Variants in FAM210A observed in about 807,000 individuals in gnomAD.
FAM210A encodes the protein family with sequence similarity 210 member A.
Under a neutral mutation model 25.3 loss-of-function variants are expected in FAM210A, and 13 were observed. The ratio of observed to expected loss-of-function variants is 0.51; its 90% CI spans 0.33 to 0.82. FAM210A has a LOEUF of 0.82. FAM210A is among the 40% of genes least tolerant of loss of function. The pLI is 0.02. For missense variants in FAM210A, 319 were observed against 323.2 expected, an observed-to-expected ratio of 0.99 and a Z score of 0.10; for synonymous variants, 125 against 118.7, an observed-to-expected ratio of 1.05 and a Z score of -0.35.
intron 1 of FAM210A, among the ~76,000 whole-genome samples, chr18:13,719,881 A>G (rs913426680): frequency 6.6e-6 from 1 of 152,214 alleles, no homozygotes; most frequent in Non-Finnish European, 1.5e-5. Flanking sequence ...TTCTGTGCTA[A>G]GCACTGTATC....
At chr18:13,723,022 C>G (rs1304652551) in intron 1 of FAM210A, among the ~76,000 whole-genome samples, 1 of 152,120 alleles carries the variant, frequency 6.6e-6, no homozygotes, top group South Asian at 2.1e-4. Context: ...CAGTTAAAAG[C>G]AACCAGCCTA....
rs1214343851 is a variant in FAM210A, at chr18:13,676,303, T to C, written c.474-4330A>G. Among the ~76,000 whole-genome samples, 7 of 129,788 alleles carry C rather than the reference T, an allele frequency of 5.4e-5. 1 individual carries two copies. The highest frequency in any genetic ancestry group is 1.1e-4 in the African/African-American group (4 of 34,848). The allele number at this position is 129,788 out of a possible 152,430, so 85.1% of individuals were successfully genotyped here. A position where few individuals can be genotyped will look rare whatever the true frequency, so the allele number is the denominator to read the frequency against. ...CCTGATTATTAACATTCCTGAGCCC[T>C]GGCTTCTTTATTTCCAGTTTCCTGA... On this transcript the variant is annotated intron_variant, in intron 2 of 3. Coordinates refer to ENST00000651643, the MANE Select transcript of FAM210A (RefSeq NM_152352.4).
rs920739396 is a variant in FAM210A, at chr18:13,664,685, T to G, written c.*1795A>C. 6.6e-6 allele frequency: 1 copy of G among 152,156 alleles called. No individual in the cohort carries two copies. Among genetic ancestry groups the G allele is most frequent in the African/African-American group, 2.4e-5 (1 of 41,424 alleles). 9.4% of individuals were successfully genotyped at this position (152,156 alleles called of 1,614,324 possible). On this transcript the variant is annotated 3_prime_UTR_variant, in exon 4 of 4. Coordinates refer to ENST00000651643, the MANE Select transcript of FAM210A (RefSeq NM_152352.4). ...CTCTCCCCGGCCCCCAAGAAGAGAT[T>G]CCAATCACAGCATATTCATTTAAAA...
In FAM210A at chr18:13,671,920, A is replaced by T; in HGVS notation, c.527T>A (p.Val176Glu). The T allele has an allele frequency of 6.2e-7, 1 of 1,613,616 alleles. No individual in the cohort carries two copies. The highest frequency in any genetic ancestry group is 8.5e-7 in the Non-Finnish European group (1 of 1,179,836). ...ACTCTGGGAGTTTTTCAGGATGCTT[A>T]CCACACTGTCAGGTAACCCAATGAG... ...LELIGLPDSV[V>E]SILKNSQSGN... Residue 176 changes from valine to glutamate, a missense_variant, in exon 3 of 4, where the codon GTA becomes GAA. By Grantham distance (121) the Val-to-Glu change is moderately radical. Transcript: ENST00000651643.
chr18:13,700,047 G>T (rs80254303), intron 1 of FAM210A, among the ~76,000 whole-genome samples: 2 of 152,240 alleles, frequency 1.3e-5, no homozygotes, highest in South Asian at 4.2e-4. Context: ...GACACCAACT[G>T]GGTACCCTAT....
At chr18:13,715,996 T>C (rs2043858939) in intron 1 of FAM210A, among the ~76,000 whole-genome samples, 1 of 152,206 alleles carries the variant, frequency 6.6e-6, no homozygotes, top group Admixed American at 6.5e-5. Flanking sequence ...TGCTGTTCAA[T>C]AAGGTAGCCA....
At chr18:13,711,481 A>G (rs2043821150) in intron 1 of FAM210A, among the ~76,000 whole-genome samples, 1 of 152,228 alleles carries the variant, frequency 6.6e-6, no homozygotes, top group Admixed American at 6.5e-5. Context: ...AAATGCTCCT[A>G]TTAAAATCAG....
At chr18:13,670,419 G>C (rs2043432269) in intron 3 of FAM210A, among the ~76,000 whole-genome samples, 1 of 152,036 alleles carries the variant, frequency 6.6e-6, no homozygotes, top group Admixed American at 6.6e-5. Flanking sequence ...TAATAAAAGA[G>C]GAAATCTACC....
At chr18:13,705,605 G>A (rs1449923745) in intron 1 of FAM210A, among the ~76,000 whole-genome samples, 2 of 152,096 alleles carry the variant, frequency 1.3e-5, no homozygotes, top group African/African-American at 4.8e-5. Flanking sequence ...CCGAGTGGCT[G>A]GGACTACAGG....
At chr18:13,718,269 T>G (rs2043875663) in intron 1 of FAM210A, among the ~76,000 whole-genome samples, 1 of 152,004 alleles carries the variant, frequency 6.6e-6, no homozygotes, top group Admixed American at 6.6e-5. Context: ...ACTGCATGAG[T>G]AAGGATTATT....
intron 1 of FAM210A, chr18:13,715,167 A>G (rs1032655360): frequency 6.6e-6 from 1 of 152,060 alleles, no homozygotes; most frequent in South Asian, 2.1e-4. Flanking sequence ...CCCACTACTG[A>G]TCAGATGAAA....
intron 2 of FAM210A, among the ~76,000 whole-genome samples, chr18:13,675,218 TTATTTCC>T (rs1293074232): frequency 3.7e-4 from 56 of 150,680 alleles, no homozygotes; most frequent in Non-Finnish European, 6.1e-4. Flanking sequence ...CCTGGCTTCT[TTATTTCC>T]TGTTTCCTGA....
At chr18:13,678,928 A>T (rs1204318459) in intron 2 of FAM210A, among the ~76,000 whole-genome samples, 1 of 152,264 alleles carries the variant, frequency 6.6e-6, no homozygotes, top group South Asian at 2.1e-4. Flanking sequence ...CAGGGACCAC[A>T]TCATCATTGC....
chr18:13,711,032 T>C (rs2043817035), intron 1 of FAM210A, among the ~76,000 whole-genome samples: 1 of 152,210 alleles, frequency 6.6e-6, no homozygotes, highest in South Asian at 2.1e-4. Flanking sequence ...CTTTATGTGA[T>C]GTTTGCCCAA....
At chr18:13,694,271 A>AATC (rs199953611) in intron 1 of FAM210A, among the ~76,000 whole-genome samples, 1 of 43,312 alleles carries the variant, frequency 2.3e-5, no homozygotes, top group African/African-American at 4.3e-5. Flanking sequence ...GGATAGGAAG[A>AATC]ATCGTTGTGA....
chr18:13,680,521 C>T (rs895032166), intron 2 of FAM210A, among the ~76,000 whole-genome samples: 16 of 152,082 alleles, frequency 1.1e-4, no homozygotes, highest in Non-Finnish European at 2.1e-4. Flanking sequence ...TCTATGTGGT[C>T]CTGTGTTCCC....
At chr18:13,706,740 G>C (rs1286275403) in intron 1 of FAM210A, among the ~76,000 whole-genome samples, 1 of 152,194 alleles carries the variant, frequency 6.6e-6, no homozygotes, top group Non-Finnish European at 1.5e-5. Context: ...TCTTGTGAAG[G>C]TTATGCTAAA....
chr18:13,689,987 C>T (rs1463081788), intron 1 of FAM210A, among the ~76,000 whole-genome samples: 1 of 152,186 alleles, frequency 6.6e-6, no homozygotes. Context: ...TGCAATGGGT[C>T]AGGGAATTCC....
In FAM210A at chr18:13,665,868, G is replaced by C. The variant is rs1436201430; in HGVS notation, c.*612C>G. 1 of 151,546 alleles carries C rather than the reference G, an allele frequency of 6.6e-6. No individual in the cohort carries two copies. The highest frequency in any genetic ancestry group is 2.4e-5 in the African/African-American group (1 of 41,144). The allele number at this position is 151,546 out of a possible 1,614,324, so 9.4% of individuals were successfully genotyped here. On this transcript the variant is annotated 3_prime_UTR_variant, in exon 4 of 4. Transcript: ENST00000651643. ...CTTCAGGTAAAAATAATTTTTAAAG[G>C]GTCCATTTTTCATTTACGTACAATC...
Sources: gnomAD v4.1 joint callset for allele counts (sites outside exome capture counted in the v4.1 genomes callset) on GRCh38, gnomAD v4.1.1 for gene constraint, MANE v1.5 for transcripts, NCBI Gene and HGNC (gene_info 2026-07-23, HGNC 2026-07-21) for gene names.